Variants in GALNT18 observed in about 807,000 individuals in gnomAD.
The protein encoded by GALNT18 is polypeptide N-acetylgalactosaminyltransferase 18, also known as GalNAc-transferase 18.
A neutral mutation model predicts 69.5 loss-of-function variants in GALNT18; 44 were observed. The observed-to-expected ratio is 0.63, with a 90% confidence interval of 0.50 to 0.81. The LOEUF is 0.81. Among genes scored for constraint, GALNT18 ranks in the 40% least tolerant of loss-of-function variants. The probability of loss-of-function intolerance (pLI) is 0.00; values close to 1 mark genes in which losing one functional copy is unlikely to be tolerated. For missense variants in GALNT18, 715 were observed against 810.0 expected, an observed-to-expected ratio of 0.88 and a Z score of 1.42; for synonymous variants, 364 against 318.2, an observed-to-expected ratio of 1.14 and a Z score of -1.53.
intron 1 of GALNT18, among the ~76,000 whole-genome samples, chr11:11,466,113 A>G (rs1340502660): frequency 1.3e-5 from 2 of 152,010 alleles, no homozygotes; most frequent in East Asian, 3.9e-4. Context: ...TAGCATGACC[A>G]TGTGTGATTA....
rs1855739547 is a variant in GALNT18, at chr11:11,449,342, C to A, written c.236-406G>T. Among the ~76,000 whole-genome samples the A allele has an allele frequency of 2.0e-5, 3 of 152,322 alleles. No individual in the cohort carries two copies. The South Asian group carries it at 6.2e-4, about 32-fold the overall frequency. ...CATTTCCTGCAATTCCCAAGCCCAC[C>A]CCACATTGAGGCACCCAAGCTGGGA... On this transcript the variant is annotated intron_variant, in intron 1 of 10. Transcript: ENST00000227756.
Position 11,573,120 on chromosome 11 carries a change from T to C in GALNT18, c.235+48239A>G, listed in dbSNP as rs1384304907. ...GCAAGGAGTGGACACTGGGTCTGAA[T>C]TCACATTGAACTGGTTCCAAAACCC... On this transcript the variant is annotated intron_variant, in intron 1 of 10. Coordinates refer to ENST00000227756, the MANE Select transcript of GALNT18 (RefSeq NM_198516.3). This position sits in a 1 kb window ranked among gnomAD's most constrained non-coding sequence, Gnocchi z 4.6. 6.6e-6 allele frequency among the ~76,000 whole-genome samples: 1 copy of C among 152,178 alleles called. No individual in the cohort carries two copies. Among genetic ancestry groups the C allele is most frequent in the African/African-American group, 2.4e-5 (1 of 41,434 alleles).
chr11:11,400,595 T>C (rs1854439057), intron 3 of GALNT18, among the ~76,000 whole-genome samples: 1 of 152,222 alleles, frequency 6.6e-6, no homozygotes, highest in Admixed American at 6.5e-5. Flanking sequence ...TAGATCAAGA[T>C]GCCAGCAGAT....
chr11:11,308,445 G>GC (rs878928604), intron 9 of GALNT18, among the ~76,000 whole-genome samples: 1 of 151,798 alleles, frequency 6.6e-6, no homozygotes, highest in Admixed American at 6.6e-5. Flanking sequence ...TCCCTTCCTT[G>GC]CCCTCCCTCC....
intron 9 of GALNT18, among the ~76,000 whole-genome samples, chr11:11,317,808 T>G (rs557381417): frequency 1.3e-5 from 2 of 152,320 alleles, no homozygotes; most frequent in South Asian, 4.1e-4. Context: ...CTTTCCAAAA[T>G]ATGAGGACTT....
At chr11:11,484,261 A>G (rs1856594908) in intron 1 of GALNT18, among the ~76,000 whole-genome samples, 1 of 152,092 alleles carries the variant, frequency 6.6e-6, no homozygotes, top group Non-Finnish European at 1.5e-5. Context: ...ACCACCAGAG[A>G]CCTAAGCTAG....
At chr11:11,485,278 G>C (rs1374640832) in intron 1 of GALNT18, among the ~76,000 whole-genome samples, 1 of 152,290 alleles carries the variant, frequency 6.6e-6, no homozygotes, top group East Asian at 1.9e-4. Context: ...CTCCACTTCA[G>C]ATGCTGCTTG....
chr11:11,414,130 C>T (rs2133762163), intron 3 of GALNT18, among the ~76,000 whole-genome samples: 2 of 152,298 alleles, frequency 1.3e-5, no homozygotes, highest in East Asian at 3.9e-4. Flanking sequence ...TCCCTACAGC[C>T]ATTACAGCCT....
In GALNT18 at chr11:11,497,935, T is replaced by A. The variant is rs1029531954; in HGVS notation, c.236-48999A>T. ...AAATTATAATTCATTTTTCAGGCCT[T>A]GTTCAGCTGGTAAAAAAAATAAAAA... On this transcript the variant is annotated intron_variant, in intron 1 of 10. Transcript: ENST00000227756. This position sits in a 1 kb window ranked among gnomAD's most constrained non-coding sequence, Gnocchi z 4.2. Among the ~76,000 whole-genome samples the A allele has an allele frequency of 2.0e-5, 3 of 152,062 alleles. No individual in the cohort carries two copies. Among genetic ancestry groups the A allele is most frequent in the Admixed American group, 1.3e-4 (2 of 15,266 alleles).
chr11:11,594,981 A>ATGTG (rs75359341), intron 1 of GALNT18, among the ~76,000 whole-genome samples: 20,654 of 147,068 alleles, frequency 0.14, 1,830 homozygotes, highest in Non-Finnish European at 0.2. Context: ...AAATATACAT[A>ATGTG]TGTGTGTGTG....
chr11:11,366,827 T>C (rs756033908), intron 6 of GALNT18, among the ~76,000 whole-genome samples: 2 of 152,232 alleles, frequency 1.3e-5, no homozygotes, highest in Non-Finnish European at 2.9e-5. Context: ...AGAATAGCTA[T>C]TGGTATTTTG....
intron 5 of GALNT18, among the ~76,000 whole-genome samples, chr11:11,373,991 G>C (rs1257812095): frequency 6.6e-6 from 1 of 152,188 alleles, no homozygotes; most frequent in African/African-American, 2.4e-5. Context: ...GGAGAAAGGC[G>C]ATTTTGCAGG....
At chr11:11,308,464 C>G (rs1170601008) in intron 9 of GALNT18, among the ~76,000 whole-genome samples, 1 of 152,070 alleles carries the variant, frequency 6.6e-6, no homozygotes, top group Non-Finnish European at 1.5e-5. Flanking sequence ...CCTAAGCCTT[C>G]TCTTGAGCCT....
At chr11:11,502,970 T>A (rs1457666930) in intron 1 of GALNT18, among the ~76,000 whole-genome samples, 6 of 152,210 alleles carry the variant, frequency 3.9e-5, no homozygotes, top group Admixed American at 3.9e-4. Context: ...TGGCCCAGAT[T>A]GCAGTTCCCG....
intron 9 of GALNT18, among the ~76,000 whole-genome samples, chr11:11,305,948 C>T (rs893309189): frequency 4.6e-5 from 7 of 152,156 alleles, no homozygotes; most frequent in East Asian, 1.9e-4. Context: ...GTGCCTGCCT[C>T]GTACCCCTTA....
At position 11,598,375 on chromosome 11, in the gene GALNT18, C is replaced by G. The variant is rs1370896815; in HGVS notation, c.235+22984G>C. 6.6e-6 allele frequency among the ~76,000 whole-genome samples: 1 copy of G among 152,200 alleles called. No homozygotes were observed. Among genetic ancestry groups the G allele is most frequent in the African/African-American group, 2.4e-5 (1 of 41,456 alleles). On this transcript the variant is annotated intron_variant, in intron 1 of 10. Coordinates refer to ENST00000227756, the MANE Select transcript of GALNT18 (RefSeq NM_198516.3). The surrounding 1 kb of genome is among the most constrained non-coding windows in gnomAD (Gnocchi z 4.8). ...GTGTCAGCAGGGCTATACTTCTTTG[C>G]AGGCTCTAGAGGAGAATCTGTTCCT...
rs747698272 is a variant in GALNT18 at position 11,603,269 on chromosome 11, A to G, written c.235+18090T>C. Among the ~76,000 whole-genome samples the G allele has an allele frequency of 1.3e-5, 2 of 152,232 alleles. No individual in the cohort carries two copies. Among genetic ancestry groups the G allele is most frequent in the Non-Finnish European group, 2.9e-5 (2 of 68,042 alleles). ...AGAACCGTCCTCCAAGGCTGTAAACAGATTGTTTTGCTCCAACACTGGCTC... is the reference window on the plus strand; with the variant it reads ...AGAACCGTCCTCCAAGGCTGTAAACGGATTGTTTTGCTCCAACACTGGCTC... On this transcript the variant is annotated intron_variant, in intron 1 of 10. Transcript: ENST00000227756. The surrounding 1 kb of genome is among the most constrained non-coding windows in gnomAD (Gnocchi z 4.5).
At chr11:11,313,125 G>C (rs1431607561) in intron 9 of GALNT18, among the ~76,000 whole-genome samples, 1 of 152,176 alleles carries the variant, frequency 6.6e-6, no homozygotes, top group Non-Finnish European at 1.5e-5. Context: ...GGGGAGAAGG[G>C]AAGTGGGGGG....
rs1402038535 is a variant in GALNT18, at chr11:11,347,550, C to T, written c.1093-6546G>A. Among the ~76,000 whole-genome samples the T allele has an allele frequency of 6.6e-6, 1 of 152,184 alleles. No individual in the cohort carries two copies. Among genetic ancestry groups the T allele is most frequent in the South Asian group, 2.1e-4 (1 of 4,822 alleles). ...GGACTGGGGTTGGTGGCACTTCAGC[C>T]TTGTACTTCATAGCCACATCCACAA... is the stretch of plus-strand genomic sequence containing the variant. On this transcript the variant is annotated intron_variant, in intron 6 of 10. Transcript: ENST00000227756. This position sits in a 1 kb window ranked among gnomAD's most constrained non-coding sequence, Gnocchi z 4.0.
Sources: allele counts gnomAD v4.1 joint callset (sites outside exome capture counted in the v4.1 genomes callset), GRCh38; gene constraint gnomAD v4.1.1; non-coding constraint Gnocchi (gnomAD v3.1); transcripts MANE v1.5; gene names NCBI Gene and HGNC (gene_info 2026-07-23, HGNC 2026-07-21).